OTUD7B: variants seen among roughly 807,000 people sequenced by gnomAD.
OTUD7B encodes the protein OTU domain-containing protein 7B.
OTUD7B carries 34 observed loss-of-function variants against 82.2 expected under a neutral mutation model. The ratio of observed to expected loss-of-function variants is 0.41; its 90% confidence interval spans 0.31 to 0.55. The LOEUF (loss-of-function observed/expected upper bound fraction) is 0.55, where lower values mean the gene tolerates loss of function less well. Ranked by LOEUF, OTUD7B falls within the 20% of genes least tolerant of loss-of-function variation. The probability of loss-of-function intolerance (pLI) is 0.20; values close to 1 mark genes in which losing one functional copy is unlikely to be tolerated. For synonymous variants in OTUD7B, 398 were observed against 402.7 expected, an observed-to-expected ratio of 0.99 and a Z score of 0.14; for missense variants, 944 against 1,062.1, an observed-to-expected ratio of 0.89 and a Z score of 1.55.
chr1:149,995,530 G>T (rs894782147), intron 1 of OTUD7B, among the ~76,000 whole-genome samples: 1 of 151,820 alleles, frequency 6.6e-6, no homozygotes, highest in Non-Finnish European at 1.5e-5. Flanking sequence ...AGTGAGCCAA[G>T]ATCGTGCCAC....
intron 7 of OTUD7B, among the ~76,000 whole-genome samples, chr1:149,951,923 A>G (rs183040834): frequency 3.7e-4 from 56 of 152,028 alleles, no homozygotes; most frequent in Non-Finnish European, 6.5e-4. Flanking sequence ...AGTTTATTAC[A>G]GCATATTACA....
chr1:150,013,784 A>C (rs1268769482), upstream of OTUD7B, among the ~76,000 whole-genome samples: 1 of 150,566 alleles, frequency 6.6e-6, no homozygotes, highest in Non-Finnish European at 1.5e-5. Flanking sequence ...TAGCCAGGCG[A>C]GGTGGCGGGC....
intron 2 of OTUD7B, among the ~76,000 whole-genome samples, chr1:149,973,630 C>A (rs12026500): frequency 0.14 from 21,679 of 151,198 alleles, 2,045 homozygotes; most frequent in East Asian, 0.33. Flanking sequence ...GGATAACAGG[C>A]GCGTGCCACC....
At chr1:149,990,606 A>T (rs1651497031) in intron 1 of OTUD7B, among the ~76,000 whole-genome samples, 1 of 152,240 alleles carries the variant, frequency 6.6e-6, no homozygotes, top group African/African-American at 2.4e-5. Context: ...AAGCACTTTC[A>T]TAAATAACCT....
intron 1 of OTUD7B, among the ~76,000 whole-genome samples, chr1:150,005,987 A>G (rs1165734304): frequency 6.6e-6 from 1 of 152,198 alleles, no homozygotes; most frequent in Non-Finnish European, 1.5e-5. Flanking sequence ...AGTCTTAATT[A>G]TCTACAAATG....
At chr1:149,948,834 A>G in intron 10 of OTUD7B, 135 bp downstream of exon 10, 4 of 622,918 alleles carry the variant, frequency 6.4e-6, no homozygotes, top group Non-Finnish European at 1.2e-5. Context: ...CCTCTCCTCT[A>G]CCTCCCCATC....
chr1:150,000,943 C>T (rs587627398), intron 1 of OTUD7B, among the ~76,000 whole-genome samples: 3 of 152,208 alleles, frequency 2.0e-5, no homozygotes, highest in East Asian at 3.9e-4. Flanking sequence ...CGTGCCACTG[C>T]ACTCCAGCCT....
chr1:149,943,503 C>T lies in OTUD7B; in HGVS notation c.*354G>A. On this transcript the variant is annotated 3_prime_UTR_variant, in exon 12 of 12. Coordinates refer to ENST00000581312, the MANE Select transcript of OTUD7B (RefSeq NM_020205.4). ...CTCCTTTGCCCATTCCTCCCCAAGACTTCTGCCCACCTCCCACCCCCACAC... is the reference window on the plus strand; with the variant it reads ...CTCCTTTGCCCATTCCTCCCCAAGATTTCTGCCCACCTCCCACCCCCACAC... 4.4e-6 allele frequency: 1 copy of T among 229,594 alleles called. No individual in the cohort carries two copies. Among genetic ancestry groups the T allele is most frequent in the East Asian group, 9.5e-5 (1 of 10,496 alleles). The allele number at this position is 229,594 out of a possible 1,614,324, so 14.2% of individuals were successfully genotyped here.
chr1:149,982,461 C>T (rs1355896469), intron 1 of OTUD7B, among the ~76,000 whole-genome samples: 4 of 151,966 alleles, frequency 2.6e-5, no homozygotes, highest in African/African-American at 9.7e-5. Context: ...CCTTATATAA[C>T]TTTATTTATT....
rs782658260 is a variant in OTUD7B at position 149,943,852 on chromosome 1, C to T, written c.*5G>A. ...AGCCTCCTTGCCCTTCAGTGTTCCA[C>T]CCGTTCAGAACCTGTGCACCAGGAG... On this transcript the variant is annotated 3_prime_UTR_variant, in exon 12 of 12. Transcript: ENST00000581312. 1.1e-5 allele frequency: 18 copies of T among 1,613,464 alleles called. No individual in the cohort carries two copies. The Admixed American group carries it at 2.5e-4, about 22-fold the overall frequency.
chr1:150,012,079 T>C (rs1653096629), upstream of OTUD7B, among the ~76,000 whole-genome samples: 1 of 152,124 alleles, frequency 6.6e-6, no homozygotes, highest in African/African-American at 2.4e-5. Context: ...AGACATACAA[T>C]AGAGGTTGAC....
intron 11 of OTUD7B, 111 bp from the exon 12 acceptor site, chr1:149,945,176 G>A (rs1553771848): frequency 6.3e-6 from 9 of 1,419,440 alleles, no homozygotes; most frequent in Middle Eastern, 4.2e-4. Flanking sequence ...TGCAGCCATG[G>A]CTATAGAAAT....
chr1:150,063,622 G>C, the OTUD7B span, among the ~76,000 whole-genome samples: 4 of 152,172 alleles, frequency 2.6e-5, no homozygotes, highest in Non-Finnish European at 5.9e-5. Flanking sequence ...TGGTAGTCAT[G>C]CTACAAGCCA....
the OTUD7B span, among the ~76,000 whole-genome samples, chr1:150,055,701 C>T: frequency 2.0e-5 from 3 of 152,144 alleles, no homozygotes; most frequent in African/African-American, 7.2e-5. Context: ...TACTATGCAG[C>T]CATAAAAAAG....
the OTUD7B span, among the ~76,000 whole-genome samples, chr1:150,049,452 CT>C: frequency 2.0e-5 from 3 of 152,182 alleles, no homozygotes; most frequent in African/African-American, 7.2e-5. Context: ...CCCCAATTCA[CT>C]ATGACTTGTA....
chr1:150,017,386 A>G, the OTUD7B span, among the ~76,000 whole-genome samples: 1 of 152,218 alleles, frequency 6.6e-6, no homozygotes, highest in Admixed American at 6.5e-5. Context: ...TGGTCCTGAC[A>G]AATCCCCTGA....
Position 149,942,456 on chromosome 1 carries a change from C to A in OTUD7B, c.*1401G>T, listed in dbSNP as rs1647322210. On this transcript the variant is annotated 3_prime_UTR_variant, in exon 12 of 12. Coordinates refer to ENST00000581312, the MANE Select transcript of OTUD7B (RefSeq NM_020205.4). ...TGCGAAGGAGCTCCCCCTACTGTGT[C>A]CGCATCCCCACTCCCAGCCCCTAGA... 6.6e-6 allele frequency: 1 copy of A among 152,534 alleles called. No individual in the cohort carries two copies. 9.4% of individuals were successfully genotyped at this position (152,534 alleles called of 1,614,324 possible).
At chr1:149,945,588 T>C (rs1389426139) in intron 11 of OTUD7B, among the ~76,000 whole-genome samples, 2 of 152,162 alleles carry the variant, frequency 1.3e-5, no homozygotes, top group African/African-American at 4.8e-5. Flanking sequence ...ACATTCTGCA[T>C]TGGAGTTATC....
intron 1 of OTUD7B, among the ~76,000 whole-genome samples, chr1:150,009,305 T>C (rs1277728305): frequency 6.6e-6 from 1 of 152,190 alleles, no homozygotes; most frequent in Non-Finnish European, 1.5e-5. Flanking sequence ...ATTTAGGGGT[T>C]AGCAACTCTT....
Sources: allele counts gnomAD v4.1 joint callset (sites outside exome capture counted in the v4.1 genomes callset), GRCh38; gene constraint gnomAD v4.1.1; transcripts MANE v1.5; gene names NCBI Gene and HGNC (gene_info 2026-07-23, HGNC 2026-07-21).